MACROH2A1: variants seen among roughly 807,000 people sequenced by gnomAD.
MACROH2A1 encodes the protein macroH2A.1 histone.
In MACROH2A1, 2 loss-of-function variants were observed where a neutral mutation model predicts 31.6. That is an observed-to-expected ratio of 0.06 (90% CI 0.03 to 0.20). The LOEUF (loss-of-function observed/expected upper bound fraction) is 0.20, where lower values mean the gene tolerates loss of function less well. Ranked by LOEUF, MACROH2A1 falls within the 10% of genes least tolerant of loss-of-function variation. MACROH2A1 has a pLI of 1.00. For synonymous variants in MACROH2A1, 169 were observed against 189.6 expected (o/e 0.89, Z 0.89); for missense variants, 230 against 474.0 (o/e 0.49, Z 4.78).
intron 1 of MACROH2A1, among the ~76,000 whole-genome samples, chr5:135,389,534 A>G (rs1561669541): frequency 1.3e-5 from 2 of 152,218 alleles, no homozygotes. Context: ...AAAGGCAGAT[A>G]CCTAGATTCT....
chr5:135,349,096 T>C lies in MACROH2A1; in HGVS notation c.689-3039A>G, dbSNP rs748188918. On this transcript the variant is annotated intron_variant, in intron 6 of 8. Coordinates refer to ENST00000511689, the MANE Select transcript of MACROH2A1 (RefSeq NM_138610.3). ...CTCTGCCTCCTGGCATGGCTAATCC[T>C]GCTGGGCACGGCCTTCCTCAGGCTG... is the stretch of plus-strand genomic sequence containing the variant. Among the ~76,000 whole-genome samples the C allele has an allele frequency of 4.1e-4, 63 of 152,206 alleles. 1 individual carries two copies. Among genetic ancestry groups the C allele is most frequent in the Admixed American group, 1.0e-3 (16 of 15,284 alleles).
chr5:135,381,902 TA>T (rs1243698892), intron 2 of MACROH2A1, among the ~76,000 whole-genome samples: 4 of 152,212 alleles, frequency 2.6e-5, no homozygotes, highest in Non-Finnish European at 5.9e-5. Context: ...GTGACTAGTA[TA>T]AACTGTTTGA....
intron 4 of MACROH2A1, among the ~76,000 whole-genome samples, chr5:135,363,101 GGCTC>G (rs1763047065): frequency 6.6e-6 from 1 of 152,072 alleles, no homozygotes; most frequent in Non-Finnish European, 1.5e-5. Context: ...TGGGAGTGGT[GGCTC>G]ATGCCTGTAA....
chr5:135,374,203 C>T (rs1764557499), intron 2 of MACROH2A1, among the ~76,000 whole-genome samples: 1 of 152,180 alleles, frequency 6.6e-6, no homozygotes, highest in African/African-American at 2.4e-5. Context: ...TCGTAAAGGG[C>T]TTTCCTGGCT....
chr5:135,347,848 T>C (rs1441251900), intron 6 of MACROH2A1, among the ~76,000 whole-genome samples: 1 of 152,242 alleles, frequency 6.6e-6, no homozygotes, highest in Non-Finnish European at 1.5e-5. Flanking sequence ...ACAAAAATGC[T>C]GGAGGCTGGA....
intron 1 of MACROH2A1, among the ~76,000 whole-genome samples, chr5:135,393,781 G>T (rs980699481): frequency 1.3e-5 from 2 of 152,062 alleles, no homozygotes; most frequent in African/African-American, 2.4e-5. Flanking sequence ...GAAAATGAAG[G>T]TTCTGTGATT....
chr5:135,349,273 C>A (rs1761223242), intron 6 of MACROH2A1, among the ~76,000 whole-genome samples: 1 of 152,198 alleles, frequency 6.6e-6, no homozygotes, highest in African/African-American at 2.4e-5. Flanking sequence ...AAGCCCTTAG[C>A]TGTTCATTTA....
At chr5:135,392,547 C>T (rs1295227900) in intron 1 of MACROH2A1, among the ~76,000 whole-genome samples, 4 of 152,212 alleles carry the variant, frequency 2.6e-5, no homozygotes, top group Admixed American at 2.0e-4. Context: ...CTTATGACAT[C>T]CAGCAATGTG....
At chr5:135,370,571 GC>G (rs1337624563) in intron 2 of MACROH2A1, among the ~76,000 whole-genome samples, 2 of 152,204 alleles carry the variant, frequency 1.3e-5, no homozygotes, top group Non-Finnish European at 2.9e-5. Flanking sequence ...AGGATGGCTT[GC>G]TATTGAGGAG....
chr5:135,388,537 A>G (rs1766743008), intron 2 of MACROH2A1, among the ~76,000 whole-genome samples: 1 of 152,252 alleles, frequency 6.6e-6, no homozygotes, highest in South Asian at 2.1e-4. Flanking sequence ...TCAAAATTAA[A>G]TAAGACTAAC....
intron 5 of MACROH2A1, chr5:135,357,828 G>A (rs1047126279): frequency 4.1e-6 from 4 of 984,438 alleles, no homozygotes; most frequent in East Asian, 2.3e-4. Flanking sequence ...ACTTCAGTAT[G>A]TGAAATACAT....
intron 6 of MACROH2A1, chr5:135,347,272 GGAA>G (rs1195188503): frequency 2.6e-5 from 4 of 152,194 alleles, no homozygotes; most frequent in Non-Finnish European, 5.9e-5. Context: ...GAGGTGTCTG[GGAA>G]GAAGAGTAAA....
At chr5:135,358,656 C>A in intron 5 of MACROH2A1, 1 of 961,926 alleles carries the variant, frequency 1.0e-6, no homozygotes, top group Non-Finnish European at 1.2e-6. Context: ...CACTGTTAAG[C>A]TAAGTTCACT....
chr5:135,345,878 C>G, intron 7 of MACROH2A1, 90 bp downstream of exon 7: 1 of 841,276 alleles, frequency 1.2e-6, no homozygotes. Flanking sequence ...TGCTGCCACA[C>G]ACCTCTGAAT....
chr5:135,389,162 G>A, intron 1 of MACROH2A1, 36 bp from the exon 2 acceptor site: 2 of 1,506,578 alleles, frequency 1.3e-6, no homozygotes, highest in Non-Finnish European at 1.8e-6. Flanking sequence ...CAGGGTGGCT[G>A]GGGACAGCAC....
chr5:135,360,609 T>G lies in MACROH2A1; in HGVS notation c.478-2A>C. The G allele has an allele frequency of 6.2e-7, 1 of 1,608,020 alleles. No homozygotes were observed. Among genetic ancestry groups the G allele is most frequent in the Non-Finnish European group, 8.5e-7 (1 of 1,174,526 alleles). On this transcript the variant is annotated splice_acceptor_variant, in intron 4 of 8. Coordinates refer to ENST00000511689, the MANE Select transcript of MACROH2A1 (RefSeq NM_138610.3). LOFTEE classifies it high-confidence loss of function. Reference sequence around the variant, plus strand: ...CTTACTGACTTCACCCTGCTTCTTCTTGCACAGACGGAAGGGTCAGAATGT... The same window carrying G: ...CTTACTGACTTCACCCTGCTTCTTCGTGCACAGACGGAAGGGTCAGAATGT...
chr5:135,394,402 G>A (rs1440836596), intron 1 of MACROH2A1, among the ~76,000 whole-genome samples: 1 of 152,090 alleles, frequency 6.6e-6, no homozygotes, highest in Non-Finnish European at 1.5e-5. Context: ...TGCATGTCCA[G>A]ACTCCAACCT....
At chr5:135,367,072 T>C (rs1220972915) in intron 4 of MACROH2A1, among the ~76,000 whole-genome samples, 1 of 152,234 alleles carries the variant, frequency 6.6e-6, no homozygotes, top group Non-Finnish European at 1.5e-5. Context: ...AATTCAAGTG[T>C]TGACACCTGA....
intron 2 of MACROH2A1, among the ~76,000 whole-genome samples, chr5:135,378,553 C>A (rs1765220087): frequency 1.3e-5 from 2 of 152,180 alleles, no homozygotes; most frequent in Admixed American, 1.3e-4. Context: ...CGGGCATTTA[C>A]CAGTCTTCCT....
Sources: gnomAD v4.1 joint callset for allele counts (sites outside exome capture counted in the v4.1 genomes callset) on GRCh38, gnomAD v4.1.1 for gene constraint, MANE v1.5 for transcripts, NCBI Gene and HGNC (gene_info 2026-07-23, HGNC 2026-07-21) for gene names.